PDE1C: variants seen among roughly 807,000 people sequenced by gnomAD.
PDE1C encodes the protein phosphodiesterase 1C.
A neutral mutation model predicts 93.1 loss-of-function variants in PDE1C; 62 were observed. The observed-to-expected ratio is 0.67, with a 90% CI of 0.54 to 0.82. The LOEUF (loss-of-function observed/expected upper bound fraction) is 0.82, where lower values mean the gene tolerates loss of function less well. PDE1C is among the 40% of genes least tolerant of loss of function. The probability of loss-of-function intolerance (pLI) is 0.00; values close to 1 mark genes in which losing one functional copy is unlikely to be tolerated. For synonymous variants in PDE1C, 325 were observed against 310.1 expected, an observed-to-expected ratio of 1.05 and a Z score of -0.50; for missense variants, 742 against 884.6, an observed-to-expected ratio of 0.84 and a Z score of 2.04.
chr7:31,840,501 C>T (rs572081354), intron 9 of PDE1C, among the ~76,000 whole-genome samples: 1 of 152,130 alleles, frequency 6.6e-6, no homozygotes, highest in Admixed American at 6.5e-5. Context: ...ATGCTTCATG[C>T]TTTTTCTCTC....
chr7:32,214,975 T>TTGATGA lies in PDE1C; in HGVS notation c.86-5442_86-5437dup, dbSNP rs143895270. 3.2e-4 allele frequency among the ~76,000 whole-genome samples: 49 copies of TTGATGA among 151,232 alleles called. No individual in the cohort carries two copies. The South Asian group carries it at 5.7e-3, about 18-fold the overall frequency. ...AAGTGTGATCAGCTAGGGAAGTGAC[T>TTGATGA]TGATGATGATGATGATGATGATGAT... is the stretch of plus-strand genomic sequence containing the variant. On this transcript the variant is annotated intron_variant, in intron 1 of 18. Transcript: ENST00000396193.
chr7:32,187,136 T>G (rs1275321616), intron 2 of PDE1C, among the ~76,000 whole-genome samples: 1 of 152,018 alleles, frequency 6.6e-6, no homozygotes, highest in Non-Finnish European at 1.5e-5. Context: ...CTTTCTTTCC[T>G]TCTCTCTCTT....
At chr7:31,737,928 T>C in the PDE1C span, among the ~76,000 whole-genome samples, 3 of 152,048 alleles carry the variant, frequency 2.0e-5, no homozygotes, top group East Asian at 5.8e-4. Context: ...AGGACTGTTA[T>C]ATAGGTTAAA....
At chr7:31,791,484 A>G (rs189729921) in intron 16 of PDE1C, among the ~76,000 whole-genome samples, 235 of 152,228 alleles carry the variant, frequency 1.5e-3, no homozygotes, top group Non-Finnish European at 2.6e-3. Context: ...TTTGGTCCAC[A>G]TGGAATTGCA....
chr7:31,737,150 A>T, the PDE1C span, among the ~76,000 whole-genome samples: 3 of 149,962 alleles, frequency 2.0e-5, no homozygotes, highest in African/African-American at 7.4e-5. Flanking sequence ...TTTTATTTTT[A>T]TTTTTTTTTG....
chr7:32,063,262 A>G (rs2128713843), intron 1 of PDE1C, among the ~76,000 whole-genome samples: 1 of 152,382 alleles, frequency 6.6e-6, no homozygotes, highest in East Asian at 1.9e-4. Flanking sequence ...TAAAACTAAC[A>G]GCAAAAACTG....
At chr7:32,105,805 C>T (rs1349392368) in intron 3 of PDE1C, among the ~76,000 whole-genome samples, 8 of 151,268 alleles carry the variant, frequency 5.3e-5, no homozygotes, top group Admixed American at 1.3e-4. Context: ...GGATTACAGG[C>T]GTAAGCCACC....
At chr7:32,427,511 T>C (rs1167378555) in intron 1 of PDE1C, among the ~76,000 whole-genome samples, 1 of 152,166 alleles carries the variant, frequency 6.6e-6, no homozygotes, top group Non-Finnish European at 1.5e-5. Context: ...GAAAGGTGCT[T>C]CTTTTATCCT....
chr7:32,395,569 A>G (rs1320621357), intron 1 of PDE1C, among the ~76,000 whole-genome samples: 1 of 152,198 alleles, frequency 6.6e-6, no homozygotes, highest in Non-Finnish European at 1.5e-5. Context: ...TCTTCATCCT[A>G]TCAGCAAGCT....
intron 1 of PDE1C, among the ~76,000 whole-genome samples, chr7:32,355,891 A>G (rs1784020880): frequency 6.6e-6 from 1 of 152,236 alleles, no homozygotes; most frequent in Non-Finnish European, 1.5e-5. Flanking sequence ...CTCTCATTTA[A>G]GCTAAGATAC....
At chr7:31,680,330 A>C in the PDE1C span, among the ~76,000 whole-genome samples, 1 of 152,174 alleles carries the variant, frequency 6.6e-6, no homozygotes. Flanking sequence ...TACCCGTTTC[A>C]TTGATGCAGG....
At chr7:31,775,504 G>C (rs1313617453) in intron 17 of PDE1C, among the ~76,000 whole-genome samples, 160 bp downstream of exon 17, 2 of 152,146 alleles carry the variant, frequency 1.3e-5, no homozygotes, top group South Asian at 4.1e-4. Context: ...TCCTAGAGGG[G>C]CCTCACAAAT....
the PDE1C span, chr7:31,643,036 C>A: frequency 6.2e-7 from 1 of 1,614,012 alleles, no homozygotes. Context: ...GGTCACCAGA[C>A]CCACAGCCAC....
At chr7:32,066,147 A>T (rs1795377280) in intron 1 of PDE1C, among the ~76,000 whole-genome samples, 1 of 152,076 alleles carries the variant, frequency 6.6e-6, no homozygotes, top group African/African-American at 2.4e-5. Context: ...TCAATGAGGG[A>T]CTCTAATGCT....
chr7:31,711,805 A>T, the PDE1C span, among the ~76,000 whole-genome samples: 1 of 152,308 alleles, frequency 6.6e-6, no homozygotes, highest in East Asian at 1.9e-4. Context: ...AAATCTGAGC[A>T]AGTGGGAGCC....
At chr7:32,058,124 T>C (rs914318519) in intron 1 of PDE1C, among the ~76,000 whole-genome samples, 3 of 152,192 alleles carry the variant, frequency 2.0e-5, no homozygotes, top group Non-Finnish European at 4.4e-5. Context: ...GGAAGTTGAA[T>C]ATGCAACAAC....
intron 3 of PDE1C, among the ~76,000 whole-genome samples, chr7:32,136,136 T>C (rs1205424088): frequency 6.6e-6 from 1 of 152,110 alleles, no homozygotes; most frequent in Non-Finnish European, 1.5e-5. Flanking sequence ...TGGGGATGTG[T>C]TGGTCAGAGG....
Position 31,847,302 on chromosome 7 carries a change from A to G in PDE1C, c.980+666T>C, listed in dbSNP as rs74642370. On this transcript the variant is annotated intron_variant, in intron 9 of 17. Transcript: ENST00000396191. The stretch of plus-strand genomic sequence containing the variant: ...GTCACTTCCCGAATGTCATACAGCT[A>G]GTAAGTGACTGAGTCCATATTCAAA... Among the ~76,000 whole-genome samples, 1,523 of 152,308 alleles carry G rather than the reference A, an allele frequency of 1.0e-2. 13 individuals carry two copies. Among genetic ancestry groups the G allele is most frequent in the Non-Finnish European group, 0.018 (1,192 of 68,004 alleles).
chr7:31,661,494 C>A, the PDE1C span, among the ~76,000 whole-genome samples: 1 of 152,086 alleles, frequency 6.6e-6, no homozygotes, highest in Non-Finnish European at 1.5e-5. Flanking sequence ...GGGTGGATCA[C>A]CTGAGGTCAG....
Sources: gnomAD v4.1 joint callset for allele counts (sites outside exome capture counted in the v4.1 genomes callset) on GRCh38, gnomAD v4.1.1 for gene constraint, MANE v1.5 for transcripts, NCBI Gene and HGNC (gene_info 2026-07-23, HGNC 2026-07-21) for gene names.